Variants in ARK2C observed in about 807,000 individuals in gnomAD.
The protein encoded by ARK2C is arkadia (RNF111) C-terminal like ring finger ubiquitin ligase 2C.
the ARK2C span, among the ~76,000 whole-genome samples, chr18:46,411,358 C>T: frequency 6.6e-6 from 1 of 152,154 alleles, no homozygotes; most frequent in African/African-American, 2.4e-5. Flanking sequence ...CTGTACTTGG[C>T]CTTTGCAGAT....
chr18:46,461,733 G>A, the ARK2C span: 2 of 152,012 alleles, frequency 1.3e-5, no homozygotes, highest in South Asian at 2.1e-4. Flanking sequence ...AGAATAGAGA[G>A]AGTGAGCTGA....
At chr18:46,450,442 C>T in the ARK2C span, 1 of 1,395,844 alleles carries the variant, frequency 7.2e-7, no homozygotes, top group East Asian at 2.3e-5. Context: ...GGTGGAGATG[C>T]CATTATTGTT....
chr18:46,395,410 A>T, the ARK2C span, among the ~76,000 whole-genome samples: 146 of 151,854 alleles, frequency 9.6e-4, no homozygotes, highest in African/African-American at 3.4e-3. Context: ...CATTCCTGGC[A>T]CCTCCCCACT....
chr18:46,430,010 G>A, the ARK2C span, among the ~76,000 whole-genome samples: 2 of 152,136 alleles, frequency 1.3e-5, no homozygotes, highest in South Asian at 2.1e-4. Context: ...CCGCCCTCCT[G>A]CTCCCCTGTG....
the ARK2C span, among the ~76,000 whole-genome samples, chr18:46,406,357 T>C: frequency 1.3e-5 from 2 of 152,182 alleles, no homozygotes. Flanking sequence ...CCCAGCCTCT[T>C]ACTGCCATTG....
the ARK2C span, among the ~76,000 whole-genome samples, chr18:46,427,377 C>T: frequency 6.6e-6 from 1 of 152,190 alleles, no homozygotes; most frequent in Admixed American, 6.5e-5. Context: ...GGTGCTCCTC[C>T]TAATGAGGCT....
the ARK2C span, among the ~76,000 whole-genome samples, chr18:46,397,608 G>C: frequency 7.1e-6 from 1 of 139,992 alleles, no homozygotes; most frequent in African/African-American, 2.8e-5. Flanking sequence ...GTGTGTGTGT[G>C]TGTGGTCATG....
At chr18:46,376,487 G>A in the ARK2C span, among the ~76,000 whole-genome samples, 1 of 152,234 alleles carries the variant, frequency 6.6e-6, no homozygotes, top group Admixed American at 6.5e-5. Context: ...AGATATTTTT[G>A]TCAGGGATGT....
At chr18:46,442,385 AG>A in the ARK2C span, among the ~76,000 whole-genome samples, 1 of 152,124 alleles carries the variant, frequency 6.6e-6, no homozygotes, top group Non-Finnish European at 1.5e-5. Context: ...CAAACTTTCT[AG>A]TTAGCATTAT....
the ARK2C span, among the ~76,000 whole-genome samples, chr18:46,447,286 A>ACTT: frequency 1.3e-5 from 2 of 152,084 alleles, no homozygotes; most frequent in Non-Finnish European, 2.9e-5. Context: ...TCAGGGATGG[A>ACTT]CTTTGTCTTG....
At chr18:46,334,497 T>A in the ARK2C span, 1 of 567,078 alleles carries the variant, frequency 1.8e-6, no homozygotes, top group Non-Finnish European at 2.8e-6. This position sits in a 1 kb window ranked among gnomAD's most constrained non-coding sequence, Gnocchi z 4.4. Context: ...CCCCCGAGGG[T>A]GGGGGCGGCC....
the ARK2C span, among the ~76,000 whole-genome samples, chr18:46,404,508 C>T: frequency 1.3e-5 from 2 of 152,150 alleles, no homozygotes; most frequent in Non-Finnish European, 2.9e-5. Flanking sequence ...AATCCCAGCA[C>T]TTTGGGTGGC....
the ARK2C span, among the ~76,000 whole-genome samples, chr18:46,384,880 A>G: frequency 6.6e-6 from 1 of 152,236 alleles, no homozygotes; most frequent in Non-Finnish European, 1.5e-5. Context: ...AAAATTAAAT[A>G]TAAAATAGAA....
chr18:46,442,998 T>C, the ARK2C span, among the ~76,000 whole-genome samples: 1 of 152,314 alleles, frequency 6.6e-6, no homozygotes, highest in South Asian at 2.1e-4. Context: ...GTATATCTCT[T>C]TCCTCCTTTT....
At chr18:46,396,114 A>G in the ARK2C span, among the ~76,000 whole-genome samples, 3 of 152,092 alleles carry the variant, frequency 2.0e-5, no homozygotes, top group Non-Finnish European at 4.4e-5. Context: ...AATATGCAAG[A>G]CCCTTTGGGG....
the ARK2C span, among the ~76,000 whole-genome samples, chr18:46,407,857 A>G: frequency 6.6e-6 from 1 of 152,248 alleles, no homozygotes; most frequent in Non-Finnish European, 1.5e-5. Context: ...ATCATCACAA[A>G]TGTCACAAAG....
chr18:46,355,243 G>A, the ARK2C span, among the ~76,000 whole-genome samples: 4 of 152,102 alleles, frequency 2.6e-5, no homozygotes, highest in African/African-American at 2.4e-5. Flanking sequence ...ATGAGCCACC[G>A]GGCCCGGCCT....
the ARK2C span, among the ~76,000 whole-genome samples, chr18:46,364,711 G>A: frequency 3.9e-5 from 6 of 152,324 alleles, no homozygotes; most frequent in East Asian, 1.2e-3. Flanking sequence ...CCTGTCCTGA[G>A]GCTCTCTCTG....
At chr18:46,379,919 G>C in the ARK2C span, among the ~76,000 whole-genome samples, 2 of 152,206 alleles carry the variant, frequency 1.3e-5, no homozygotes, top group African/African-American at 4.8e-5. Flanking sequence ...CCACTGGGAC[G>C]TTGCTGCCAG....
Sources: allele counts gnomAD v4.1 joint callset (sites outside exome capture counted in the v4.1 genomes callset), GRCh38; gene constraint gnomAD v4.1.1; non-coding constraint Gnocchi (gnomAD v3.1); transcripts MANE v1.5; gene names NCBI Gene and HGNC (gene_info 2026-07-23, HGNC 2026-07-21).